Variants in CIB1 observed in about 807,000 individuals in gnomAD.
CIB1 encodes the protein calcium and integrin-binding protein 1.
A neutral mutation model predicts 25.0 loss-of-function variants in CIB1; 19 were observed. The observed-to-expected ratio is 0.76, with a 90% CI of 0.53 to 1.12. The LOEUF (loss-of-function observed/expected upper bound fraction) is 1.12. Among genes scored for constraint, CIB1 ranks in the 50% most tolerant of loss-of-function variants. CIB1 has a pLI of 0.00. For missense variants in CIB1, 236 were observed against 242.6 expected (o/e 0.97, Z 0.18); for synonymous variants, 104 against 98.5 (o/e 1.06, Z -0.33).
At chr15:90,234,183 AC>A (rs1962581602), upstream of CIB1, 1 of 300,418 alleles carries the variant, frequency 3.3e-6, no homozygotes, top group Non-Finnish European at 6.2e-6. Flanking sequence ...GGGGCGGGCC[AC>A]GCCGCGCGCG....
the CIB1 span, chr15:90,262,299 G>T: frequency 7.9e-7 from 1 of 1,263,234 alleles, no homozygotes; most frequent in African/African-American, 1.5e-5. Flanking sequence ...AAGAGGAATG[G>T]AGCTATAAAT....
the CIB1 span, among the ~76,000 whole-genome samples, chr15:90,259,662 G>A: frequency 1.3e-5 from 2 of 152,340 alleles, no homozygotes; most frequent in African/African-American, 2.4e-5. Flanking sequence ...TAGCACATAA[G>A]GAACTTTCTG....
At chr15:90,253,200 C>T in the CIB1 span, 1 of 1,502,708 alleles carries the variant, frequency 6.7e-7, no homozygotes, top group Non-Finnish European at 9.2e-7. Flanking sequence ...AGTTCCAGGG[C>T]TTGTTGCTGG....
the CIB1 span, chr15:90,265,557 A>T: frequency 2.2e-6 from 3 of 1,385,468 alleles, no homozygotes; most frequent in Non-Finnish European, 2.9e-6. Context: ...AGGGTGGGCC[A>T]CTGAGCAGCG....
the CIB1 span, chr15:90,264,096 T>A: frequency 3.6e-5 from 47 of 1,315,976 alleles, no homozygotes; most frequent in East Asian, 7.5e-5. Context: ...TTTTGACATA[T>A]GTAAATCCCA....
At chr15:90,253,114 AG>A in the CIB1 span, 1 of 567,896 alleles carries the variant, frequency 1.8e-6, no homozygotes, top group Admixed American at 2.9e-5. Context: ...ACTAAAGTAC[AG>A]GGCTGAGGCA....
the CIB1 span, chr15:90,242,431 C>CTTTTTTTTTTTTTTTTTTTTTTTTT: frequency 1.5e-5 from 1 of 65,510 alleles, no homozygotes; most frequent in East Asian, 3.0e-4. Flanking sequence ...TTTTCTGTTT[C>CTTTTTTTTTTTTTTTTTTTTTTTTT]TTTTTTTTTT....
the CIB1 span, chr15:90,262,378 A>G: frequency 2.4e-6 from 3 of 1,235,336 alleles, no homozygotes; most frequent in Non-Finnish European, 3.3e-6. Context: ...TTGCTCTCGC[A>G]TCAGTCCTAA....
At chr15:90,233,549 C>G (rs1452301751) in intron 2 of CIB1, 120 bp downstream of exon 2, 1 of 1,305,748 alleles carries the variant, frequency 7.7e-7, no homozygotes, top group African/African-American at 1.5e-5. Context: ...GTCTCCCGGC[C>G]TCCAGCTCCC....
chr15:90,251,598 A>T, the CIB1 span: 1 of 1,613,864 alleles, frequency 6.2e-7, no homozygotes, highest in Non-Finnish European at 8.5e-7. Context: ...GAGAGTGGTA[A>T]GCACCCAGCC....
the CIB1 span, chr15:90,250,647 G>A: frequency 1.2e-6 from 2 of 1,614,002 alleles, no homozygotes; most frequent in South Asian, 2.2e-5. Flanking sequence ...CCGAGTACCT[G>A]TAGGACCATG....
At chr15:90,247,163 A>G in the CIB1 span, among the ~76,000 whole-genome samples, 27 of 148,096 alleles carry the variant, frequency 1.8e-4, 2 homozygotes, top group African/African-American at 7.1e-4. Flanking sequence ...TTTAGTAGAG[A>G]CAGGGTTTCA....
intron 4 of CIB1, 39 bp from the exon 5 acceptor site, chr15:90,231,252 G>T: frequency 8.1e-6 from 13 of 1,608,868 alleles, no homozygotes; most frequent in Non-Finnish European, 1.1e-5. Flanking sequence ...ACACGGTTGG[G>T]AGGGGCTCTG....
In CIB1 at chr15:90,231,418, G is replaced by A; in HGVS notation, c.285C>T (p.Leu95=). 6 of 1,614,242 alleles carry A rather than the reference G, an allele frequency of 3.7e-6. No homozygotes were observed. In the South Asian group the frequency reaches 6.6e-5, roughly 18 times the overall value. Reference sequence around the variant, plus strand: ...GCGTGGCTGTGTCACTGAACACACTGAGGAGATCCAGGAAGTCCTCAAAGC... The same window carrying A: ...GCGTGGCTGTGTCACTGAACACACTAAGGAGATCCAGGAAGTCCTCAAAGC... ...SLSFEDFLDL[L]SVFSDTATPD... The change falls in exon 4 of 7, where the codon CTC becomes CTT. Residue 95 remains leucine (L), a synonymous_variant. Transcript: ENST00000328649.
the CIB1 span, chr15:90,256,414 G>A: frequency 1.4e-4 from 181 of 1,294,680 alleles, no homozygotes; most frequent in East Asian, 8.1e-4. Context: ...CACTAGCCCC[G>A]TTTTCCTGGA....
chr15:90,243,379 GT>G, the CIB1 span: 31,497 of 151,674 alleles, frequency 0.21, 4,094 homozygotes, highest in African/African-American at 0.37. Context: ...TTTTTGTTTT[GT>G]TTTTTTGTAA....
the CIB1 span, among the ~76,000 whole-genome samples, chr15:90,249,172 T>G: frequency 5.3e-5 from 7 of 133,296 alleles, no homozygotes; most frequent in Admixed American, 1.7e-4. Flanking sequence ...GATGGTGCAT[T>G]CCACTGCACT....
chr15:90,252,810 C>T, the CIB1 span, among the ~76,000 whole-genome samples: 2 of 152,126 alleles, frequency 1.3e-5, no homozygotes, highest in African/African-American at 4.8e-5. Flanking sequence ...CGAGACCAGA[C>T]TGGCCAACAT....
At chr15:90,235,034 A>T (rs1298526938), upstream of CIB1, among the ~76,000 whole-genome samples, 1 of 152,126 alleles carries the variant, frequency 6.6e-6, no homozygotes, top group Non-Finnish European at 1.5e-5. Context: ...GTTTATAACC[A>T]TTAAATGGTT....
Sources: allele counts gnomAD v4.1 joint callset (sites outside exome capture counted in the v4.1 genomes callset), GRCh38; gene constraint gnomAD v4.1.1; transcripts MANE v1.5; gene names NCBI Gene and HGNC (gene_info 2026-07-23, HGNC 2026-07-21).